PRSS37: variants seen among roughly 807,000 people sequenced by gnomAD.
The protein encoded by PRSS37 is serine protease 37.
PRSS37 carries 25 observed loss-of-function variants against 28.0 expected under a neutral mutation model. The observed-to-expected ratio is 0.89, with a 90% CI of 0.65 to 1.25. The LOEUF is 1.25. Among genes scored for constraint, PRSS37 ranks in the 50% most tolerant of loss-of-function variants. PRSS37 has a pLI of 0.00. For missense variants in PRSS37, 282 were observed against 292.2 expected (o/e 0.97, Z 0.25); for synonymous variants, 109 against 107.8 (o/e 1.01, Z -0.07).
chr7:141,838,407 T>C (rs1486730370), intron 2 of PRSS37: 3 of 1,258,078 alleles, frequency 2.4e-6, no homozygotes, highest in Non-Finnish European at 3.0e-6. Context: ...GTCAAGGAAA[T>C]GTAATTTTCT....
rs1440126773 is a variant in PRSS37 at position 141,836,336 on chromosome 7, A to G, written c.*59T>C. The G allele has an allele frequency of 5.2e-6, 8 of 1,547,632 alleles. No homozygotes were observed. The highest frequency in any genetic ancestry group is 2.3e-5 in the East Asian group (1 of 43,756). ...AGATTTTATTTTGAATAGAGGGAAA[A>G]TTATCTGCTTGTATAGTCCATGGCA... On this transcript the variant is annotated 3_prime_UTR_variant, in exon 5 of 5. Transcript: ENST00000350549.
chr7:141,841,199 G>A lies in PRSS37; in HGVS notation c.-150C>T. ...CCATGGGATTGGAAAGCAGCTCTGGGCATAAACAGGGGAGGGAGATGGCTT... is the reference window on the plus strand; with the variant it reads ...CCATGGGATTGGAAAGCAGCTCTGGACATAAACAGGGGAGGGAGATGGCTT... On this transcript the variant is annotated 5_prime_UTR_variant, in exon 1 of 5. Transcript: ENST00000350549. The A allele has an allele frequency of 2.7e-6, 4 of 1,479,224 alleles. No homozygotes were observed. The highest frequency in any genetic ancestry group is 2.6e-5 in the East Asian group (1 of 39,048). The allele number at this position is 1,479,224 out of a possible 1,614,324, so 91.6% of individuals were successfully genotyped here.
At position 141,841,053 on chromosome 7, in the gene PRSS37, G is replaced by C; in HGVS notation, c.-4C>G. 1.2e-6 allele frequency: 2 copies of C among 1,613,700 alleles called. No individual in the cohort carries two copies. The highest frequency in any genetic ancestry group is 2.7e-5 in the African/African-American group (2 of 75,036). ...CCAAATAGAAGACATATTTCATGGTGATCCAGCTCTTCCCCCTGTGAGATG... is the reference window on the plus strand; with the variant it reads ...CCAAATAGAAGACATATTTCATGGTCATCCAGCTCTTCCCCCTGTGAGATG... On this transcript the variant is annotated 5_prime_UTR_variant, in exon 1 of 5. The change creates a new upstream start codon in the 5' untranslated region. Transcript: ENST00000350549.
In PRSS37 at chr7:141,836,438, T is replaced by C. The variant is rs752710915; in HGVS notation, c.665A>G (p.Tyr222Cys). ...GTTCTCAATCCAGGATACATATTTG[T>C]AAACATTGGTGTAGATGCCGACGTC... ...GGDVGIYTNV[Y>C]KYVSWIENTA... is the part of the protein sequence containing the mutation. The change falls in exon 5 of 5, where the codon TAC becomes TGC. Residue 222 changes from tyrosine to cysteine, a missense_variant. Transcript: ENST00000350549. The C allele has an allele frequency of 1.2e-6, 2 of 1,614,168 alleles. No individual in the cohort carries two copies. The highest frequency in any genetic ancestry group is 2.2e-5 in the South Asian group (2 of 91,078).
intron 1 of PRSS37, 72 bp downstream of exon 1, chr7:141,840,944 A>T: frequency 1.3e-6 from 2 of 1,491,502 alleles, no homozygotes; most frequent in Non-Finnish European, 1.9e-6. Context: ...ACCCTTCGCA[A>T]TCCTGCCTCT....
chr7:141,840,222 A>G (rs1801110444), intron 1 of PRSS37, among the ~76,000 whole-genome samples: 1 of 152,242 alleles, frequency 6.6e-6, no homozygotes, highest in African/African-American at 2.4e-5. Context: ...ATTTTGTAAT[A>G]TGAACATATA....
In PRSS37 at chr7:141,837,197, C is replaced by T. The variant is rs370113489; in HGVS notation, c.482G>A (p.Arg161Gln). 8.7e-6 allele frequency: 14 copies of T among 1,612,744 alleles called. 1 individual carries two copies. The highest frequency in any genetic ancestry group is 1.6e-4 in the Middle Eastern group (1 of 6,078). ...TCCTTGTTCTGTTTTTTGGCATTCT[C>T]GATCAGACATCACGGGGGCCTCCAG... is the stretch of plus-strand genomic sequence containing the variant. ...QNLEAPVMSD[R>Q]ECQKTEQGKS... Residue 161 changes from arginine to glutamine, a missense_variant, in exon 4 of 5, where the codon CGA (arginine) becomes CAA (glutamine). Arg to Gln is a conservative substitution (Grantham distance 43). Coordinates refer to ENST00000350549, the MANE Select transcript of PRSS37 (RefSeq NM_001008270.3).
intron 4 of PRSS37, 33 bp from the exon 5 acceptor site, chr7:141,836,568 A>C: frequency 6.2e-7 from 1 of 1,611,390 alleles, no homozygotes; most frequent in Non-Finnish European, 8.5e-7. Context: ...AGAGAGAGAG[A>C]GAGAGTAAGA....
At chr7:141,839,118 T>G (rs2117270018) in intron 2 of PRSS37, 1 of 642,140 alleles carries the variant, frequency 1.6e-6, no homozygotes, top group Non-Finnish European at 2.8e-6. Context: ...GACAAATCTT[T>G]ATTGTGGGGA....
At chr7:141,839,032 A>T (rs777260428) in intron 2 of PRSS37, 101 of 536,000 alleles carry the variant, frequency 1.9e-4, no homozygotes, top group Non-Finnish European at 6.4e-5. Flanking sequence ...AAAAGAAAAA[A>T]ACTTATGAGA....
rs750012635 is a variant in PRSS37 at position 141,841,099 on chromosome 7, G to C, written c.-50C>G. ...AGATGTAGAAGAAAATCAGCAGAGT[G>C]TGGAGCGGTTGGCTTAGTTGTCTTC... On this transcript the variant is annotated 5_prime_UTR_variant, in exon 1 of 5. Coordinates refer to ENST00000350549, the MANE Select transcript of PRSS37 (RefSeq NM_001008270.3). 13 of 1,611,944 alleles carry C rather than the reference G, an allele frequency of 8.1e-6. No homozygotes were observed. In the Admixed American group the frequency reaches 2.2e-4, roughly 27 times the overall value.
chr7:141,839,229 C>G (rs927262366), intron 2 of PRSS37, 109 bp downstream of exon 2: 12 of 1,169,422 alleles, frequency 1.0e-5, no homozygotes, highest in Non-Finnish European at 1.5e-5. Context: ...CCAAAAATAT[C>G]TTCAGACATT....
At position 141,837,232 on chromosome 7, in the gene PRSS37, CA is replaced by C. The variant is rs763987239; in HGVS notation, c.446del (p.Leu149CysfsTer9). 1 of 1,606,776 alleles carries C rather than the reference CA, an allele frequency of 6.2e-7. No individual in the cohort carries two copies. The highest frequency in any genetic ancestry group is 1.7e-5 in the Admixed American group (1 of 58,262). Reference sequence around the variant, plus strand: ...TCACGGGGGCCTCCAGGTTCTGCCGCAAGTCAGGGTGTCGGCCTGAGGGAGA... The same window carrying C: ...TCACGGGGGCCTCCAGGTTCTGCCGCAGTCAGGGTGTCGGCCTGAGGGAGA... ...SQENSGRHPD[L>X]RQNLEAPVMS... is the part of the protein sequence containing the mutation. On this transcript the variant is annotated frameshift_variant, in exon 4 of 5. Coordinates refer to ENST00000350549, the MANE Select transcript of PRSS37 (RefSeq NM_001008270.3). LOFTEE classifies it high-confidence loss of function.
chr7:141,838,045 G>A lies in PRSS37; in HGVS notation c.245C>T (p.Pro82Leu). ...GTTCCAGTAGCGGACGATCTGAATG[G>A]GGTTAATTGTCTGTTCAGTACCGTC... ...VRDGTEQTINPIQIVRYWNYS... is the reference protein window; with the variant it reads ...VRDGTEQTINLIQIVRYWNYS... Residue 82 changes from proline (P) to leucine (L), a missense_variant, in exon 3 of 5, where the codon CCC becomes CTC. By Grantham distance (98) the Pro-to-Leu change is moderately conservative. Coordinates refer to ENST00000350549, the MANE Select transcript of PRSS37 (RefSeq NM_001008270.3). 1 of 1,614,102 alleles carries A rather than the reference G, an allele frequency of 6.2e-7. No individual in the cohort carries two copies. The highest frequency in any genetic ancestry group is 8.5e-7 in the Non-Finnish European group (1 of 1,180,008).
At chr7:141,839,048 A>T in intron 2 of PRSS37, 1 of 574,422 alleles carries the variant, frequency 1.7e-6, no homozygotes. Flanking sequence ...TGAGAGTCTG[A>T]GGAGGCATAA....
chr7:141,837,622 A>G (rs1458738172), intron 3 of PRSS37: 8 of 1,515,918 alleles, frequency 5.3e-6, no homozygotes, highest in Admixed American at 2.0e-5. Flanking sequence ...GCAGAGTCAG[A>G]TGGCCTGGTG....
chr7:141,839,300 G>A, intron 2 of PRSS37, 38 bp downstream of exon 2: 1 of 1,606,204 alleles, frequency 6.2e-7, no homozygotes, highest in Non-Finnish European at 8.5e-7. Context: ...AGAATGAACA[G>A]TAGCTGTTTT....
chr7:141,836,598 G>A (rs1800966013), intron 4 of PRSS37, 63 bp from the exon 5 acceptor site: 1 of 1,583,936 alleles, frequency 6.3e-7, no homozygotes. Context: ...CTTCTCACAG[G>A]AACCCTAGTG....
intron 4 of PRSS37, 87 bp downstream of exon 4, chr7:141,837,025 G>T: frequency 7.4e-7 from 1 of 1,353,028 alleles, no homozygotes; most frequent in Non-Finnish European, 1.0e-6. Flanking sequence ...AAATTATTTA[G>T]ACATCTAAAA....
Sources: gnomAD v4.1 joint callset for allele counts (sites outside exome capture counted in the v4.1 genomes callset) on GRCh38, gnomAD v4.1.1 for gene constraint, MANE v1.5 for transcripts, NCBI Gene and HGNC (gene_info 2026-07-23, HGNC 2026-07-21) for gene names.